The following ADGRL4 variants were observed in gnomAD, a reference collection of about 807,000 sequenced individuals.
ADGRL4 encodes adhesion G protein-coupled receptor L4.
Under a neutral mutation model 74.8 loss-of-function variants are expected in ADGRL4, and 90 were observed. The observed-to-expected ratio is 1.20, with a 90% CI of 1.02 to 1.43. The LOEUF is 1.43. ADGRL4 is among the 40% of genes most tolerant of loss of function. The pLI, the probability that ADGRL4 is intolerant of heterozygous loss-of-function variation, is 0.00. For synonymous variants in ADGRL4, 311 were observed against 279.2 expected, an observed-to-expected ratio of 1.11 and a Z score of -1.14; for missense variants, 881 against 814.3, an observed-to-expected ratio of 1.08 and a Z score of -1.00.
At chr1:78,939,355 T>C (rs1489912650) in intron 3 of ADGRL4, 97 bp from the exon 4 acceptor site, 29 of 1,166,592 alleles carry the variant, frequency 2.5e-5, no homozygotes, top group Non-Finnish European at 3.1e-5. Flanking sequence ...CTTATTTAAA[T>C]ATTAAAAAGA....
intron 7 of ADGRL4, among the ~76,000 whole-genome samples, chr1:78,931,322 A>G (rs1321507996): frequency 1.3e-5 from 2 of 151,458 alleles, no homozygotes; most frequent in Non-Finnish European, 2.9e-5. Context: ...TTTCATATCC[A>G]GCCAAACTAA....
At chr1:78,954,019 G>C (rs1649780709) in intron 2 of ADGRL4, among the ~76,000 whole-genome samples, 1 of 152,132 alleles carries the variant, frequency 6.6e-6, no homozygotes, top group African/African-American at 2.4e-5. Flanking sequence ...GGTGGCACAT[G>C]CCTGTAATCT....
chr1:78,985,197 A>T (rs1557521082), intron 2 of ADGRL4, among the ~76,000 whole-genome samples: 2 of 151,756 alleles, frequency 1.3e-5, no homozygotes, highest in Non-Finnish European at 2.9e-5. Flanking sequence ...TATTTATAAT[A>T]GTCTATCATT....
At position 78,946,378 on chromosome 1, in the gene ADGRL4, T is replaced by G. The variant is rs778047573; in HGVS notation, c.221A>C (p.Asn74Thr). Reference sequence around the variant, plus strand: ...ATAACTTCCTTCTGTGTTAGTGCAATTAGCATTTTCGCCACAGGACTGAGT... The same window carrying G: ...ATAACTTCCTTCTGTGTTAGTGCAAGTAGCATTTTCGCCACAGGACTGAGT... ...NLTQSCGENA[N>T]CTNTEGSYYC... Residue 74 changes from asparagine to threonine, a missense_variant, in exon 3 of 15, where the codon AAT becomes ACT. By Grantham distance (65) the Asn-to-Thr change is moderately conservative. Coordinates refer to ENST00000370742, the MANE Select transcript of ADGRL4 (RefSeq NM_022159.4). The G allele has an allele frequency of 2.5e-6, 4 of 1,613,108 alleles. No homozygotes were observed. In the South Asian group the frequency reaches 4.4e-5, roughly 18 times the overall value.
intron 7 of ADGRL4, among the ~76,000 whole-genome samples, chr1:78,929,887 A>G (rs539315405): frequency 1.2e-4 from 18 of 151,574 alleles, no homozygotes; most frequent in African/African-American, 4.4e-4. Context: ...CGGTATTTTC[A>G]ATGTCTTTTT....
intron 12 of ADGRL4, among the ~76,000 whole-genome samples, chr1:78,908,576 CTG>C (rs1441074408): frequency 1.3e-5 from 2 of 151,846 alleles, no homozygotes; most frequent in East Asian, 3.9e-4. Flanking sequence ...TTAGGATTAA[CTG>C]AGATATAAGT....
intron 10 of ADGRL4, among the ~76,000 whole-genome samples, chr1:78,919,264 A>G (rs1442158215): frequency 6.6e-6 from 1 of 151,944 alleles, no homozygotes; most frequent in Non-Finnish European, 1.5e-5. Flanking sequence ...CCAATCTCCA[A>G]CTGCAAGGAG....
intron 2 of ADGRL4, among the ~76,000 whole-genome samples, chr1:78,999,788 ATATCTATCTATCTATCTATCTATC>A (rs67005634): frequency 9.9e-5 from 14 of 141,664 alleles, no homozygotes; most frequent in African/African-American, 3.7e-4. Flanking sequence ...ATCTATAGTT[ATATCTATCTATCTATCTATCTATC>A]TATCTATCTA....
chr1:78,925,348 A>AT lies in ADGRL4; in HGVS notation c.1083+1537dup, dbSNP rs901572472. 1.6e-4 allele frequency among the ~76,000 whole-genome samples: 24 copies of AT among 152,124 alleles called. 1 individual carries two copies. Among genetic ancestry groups the AT allele is most frequent in the African/African-American group, 5.3e-4 (22 of 41,538 alleles). On this transcript the variant is annotated intron_variant, in intron 8 of 14. Transcript: ENST00000370742. The stretch of plus-strand genomic sequence containing the variant: ...GCTTTTCTAAGCATTAAATGCGCTC[A>AT]TTTTTTTAAGTAAAAAAACTTAGAA...
chr1:78,981,772 T>C (rs2100726753), intron 2 of ADGRL4, among the ~76,000 whole-genome samples: 1 of 151,948 alleles, frequency 6.6e-6, no homozygotes, highest in East Asian at 1.9e-4. Flanking sequence ...ATATCTGTCT[T>C]GTGTTATGAA....
chr1:78,974,027 G>C (rs1332614786), intron 2 of ADGRL4, among the ~76,000 whole-genome samples: 1 of 152,060 alleles, frequency 6.6e-6, no homozygotes, highest in Admixed American at 6.6e-5. Flanking sequence ...ATGTGTGCAA[G>C]AGCACACACA....
Position 79,006,662 on chromosome 1 carries a change from G to GGCCGCA in ADGRL4, c.-14_-9dup, listed in dbSNP as rs1268399371. On this transcript the variant is annotated 5_prime_UTR_variant, in exon 1 of 15. Coordinates refer to ENST00000370742, the MANE Select transcript of ADGRL4 (RefSeq NM_022159.4). ...GAGCGGGAGGCGTTTCATTGGCGGT[G>GGCCGCA]GCCGCAGTGGTGGCGGTGGCGGAGA... 1 of 1,499,284 alleles carries GGCCGCA rather than the reference G, an allele frequency of 6.7e-7. No homozygotes were observed. The highest frequency in any genetic ancestry group is 8.9e-7 in the Non-Finnish European group (1 of 1,126,030). 92.9% of individuals were successfully genotyped at this position (1,499,284 alleles called of 1,614,324 possible).
intron 12 of ADGRL4, among the ~76,000 whole-genome samples, chr1:78,914,863 T>A (rs762278707): frequency 6.6e-6 from 1 of 151,804 alleles, no homozygotes; most frequent in African/African-American, 2.4e-5. Context: ...CCAGTTGTTA[T>A]GGGGGAGCTG....
chr1:78,948,418 A>G, intron 2 of ADGRL4, among the ~76,000 whole-genome samples: 1 of 152,174 alleles, frequency 6.6e-6, no homozygotes, highest in South Asian at 2.1e-4. Flanking sequence ...AAAAATTTAA[A>G]ATTTAAAAAA....
At chr1:79,000,161 A>T (rs1323668036) in intron 2 of ADGRL4, among the ~76,000 whole-genome samples, 1 of 152,132 alleles carries the variant, frequency 6.6e-6, no homozygotes, top group Non-Finnish European at 1.5e-5. Context: ...GAATCCATCT[A>T]GATAATACTG....
At chr1:78,905,911 G>A (rs1043895990) in intron 12 of ADGRL4, among the ~76,000 whole-genome samples, 3 of 151,906 alleles carry the variant, frequency 2.0e-5, no homozygotes, top group African/African-American at 7.2e-5. Flanking sequence ...TAATAGTATA[G>A]AATTAGAAAC....
chr1:78,928,715 T>A (rs1367827825), intron 7 of ADGRL4, among the ~76,000 whole-genome samples: 2 of 151,556 alleles, frequency 1.3e-5, no homozygotes, highest in African/African-American at 4.9e-5. Context: ...TACTTTAGAA[T>A]TAATACCTAT....
chr1:78,956,170 A>G (rs938639573), intron 2 of ADGRL4, among the ~76,000 whole-genome samples: 3 of 152,200 alleles, frequency 2.0e-5, no homozygotes, highest in African/African-American at 7.2e-5. Context: ...CACAAAAATT[A>G]GCAGGACTTT....
chr1:78,937,728 C>T (rs1320692767), intron 6 of ADGRL4, 79 bp downstream of exon 6: 7 of 1,296,746 alleles, frequency 5.4e-6, no homozygotes, highest in South Asian at 1.4e-5. Context: ...CAACACCATG[C>T]CTCCTAACCC....
Sources: gnomAD v4.1 joint callset for allele counts (sites outside exome capture counted in the v4.1 genomes callset) on GRCh38, gnomAD v4.1.1 for gene constraint, MANE v1.5 for transcripts, NCBI Gene and HGNC (gene_info 2026-07-23, HGNC 2026-07-21) for gene names.